The following HPSE2 variants were observed in gnomAD, a reference collection of about 807,000 sequenced individuals.
HPSE2 encodes inactive heparanase-2.
Under a neutral mutation model 60.5 loss-of-function variants are expected in HPSE2, and 38 were observed. The ratio of observed to expected loss-of-function variants is 0.63; its 90% confidence interval spans 0.48 to 0.82. The LOEUF (loss-of-function observed/expected upper bound fraction) is 0.82. HPSE2 is among the 40% of genes least tolerant of loss of function. The pLI, the probability that HPSE2 is intolerant of heterozygous loss-of-function variation, is 0.00. For missense variants in HPSE2, 713 were observed against 740.4 expected, an observed-to-expected ratio of 0.96 and a Z score of 0.43; for synonymous variants, 295 against 293.2, an observed-to-expected ratio of 1.01 and a Z score of -0.06.
the HPSE2 span, among the ~76,000 whole-genome samples, chr10:99,272,389 G>A: frequency 6.6e-6 from 1 of 151,628 alleles, no homozygotes; most frequent in Admixed American, 6.6e-5. Flanking sequence ...TCACAACCAA[G>A]AACCCAAAAG....
At chr10:99,011,400 G>GT (rs201306370) in intron 3 of HPSE2, among the ~76,000 whole-genome samples, 6 of 150,662 alleles carry the variant, frequency 4.0e-5, no homozygotes, top group Admixed American at 2.7e-4. Context: ...CTGAAATTTA[G>GT]TTTTTTTTTC....
At chr10:98,526,818 G>A (rs1225310331) in intron 9 of HPSE2, among the ~76,000 whole-genome samples, 1 of 152,158 alleles carries the variant, frequency 6.6e-6, no homozygotes, top group African/African-American at 2.4e-5. Context: ...GGGTTGAGGG[G>A]ATGAAGCTGG....
At chr10:98,971,157 C>T (rs1013612831) in intron 3 of HPSE2, among the ~76,000 whole-genome samples, 7 of 152,158 alleles carry the variant, frequency 4.6e-5, no homozygotes, top group African/African-American at 1.2e-4. Context: ...AATTAACAAA[C>T]GTTTAATACT....
chr10:99,141,111 T>C lies in HPSE2; in HGVS notation c.610+3127A>G, dbSNP rs187696514. Among the ~76,000 whole-genome samples, 24 of 152,316 alleles carry C rather than the reference T, an allele frequency of 1.6e-4. No individual in the cohort carries two copies. In the East Asian group the frequency reaches 2.7e-3, roughly 17 times the overall value. ...ACATTTTCAACAAATTTATAGAGCA[T>C]TGTTGTATTAAGAATCATGAGAGCA... is the stretch of plus-strand genomic sequence containing the variant. On this transcript the variant is annotated intron_variant, in intron 3 of 11. Transcript: ENST00000370552.
Position 98,853,858 on chromosome 10 carries a change from A to G in HPSE2, c.611-109802T>C, listed in dbSNP as rs567806639. Among the ~76,000 whole-genome samples, 3 of 152,290 alleles carry G rather than the reference A, an allele frequency of 2.0e-5. No homozygotes were observed. The South Asian group carries it at 6.2e-4, about 32-fold the overall frequency. On this transcript the variant is annotated intron_variant, in intron 3 of 11. Transcript: ENST00000370552. ...TTAAATGGAACTAAGGGTCCCAACT[A>G]TCTCACATATGAGATACGTGAAATT...
At chr10:99,063,970 G>A (rs1394409888) in intron 3 of HPSE2, among the ~76,000 whole-genome samples, 1 of 152,176 alleles carries the variant, frequency 6.6e-6, no homozygotes, top group African/African-American at 2.4e-5. Context: ...GCACGTGCCT[G>A]TAATCCCAGC....
intron 9 of HPSE2, among the ~76,000 whole-genome samples, chr10:98,595,364 G>T (rs1445737168): frequency 6.6e-6 from 1 of 151,760 alleles, no homozygotes; most frequent in Non-Finnish European, 1.5e-5. Flanking sequence ...TAGAGATGGG[G>T]TTTCACTGTG....
At chr10:98,956,511 C>T (rs1955513577) in intron 3 of HPSE2, among the ~76,000 whole-genome samples, 1 of 152,160 alleles carries the variant, frequency 6.6e-6, no homozygotes. Flanking sequence ...CTCACAAATT[C>T]ATCAGAGACT....
chr10:98,733,590 T>C (rs1949280132), intron 4 of HPSE2, among the ~76,000 whole-genome samples: 1 of 152,194 alleles, frequency 6.6e-6, no homozygotes, highest in African/African-American at 2.4e-5. Context: ...GCAAATCACG[T>C]CACCTCTTTG....
the HPSE2 span, among the ~76,000 whole-genome samples, chr10:99,252,287 T>G: frequency 6.6e-6 from 1 of 152,040 alleles, no homozygotes; most frequent in Non-Finnish European, 1.5e-5. Context: ...CAGCACTCAT[T>G]CTTCATAGTA....
chr10:98,751,971 T>C (rs1489195112), intron 3 of HPSE2, among the ~76,000 whole-genome samples: 1 of 152,210 alleles, frequency 6.6e-6, no homozygotes, highest in East Asian at 1.9e-4. Flanking sequence ...TTTAATGCTA[T>C]TGCTTAACTC....
At chr10:99,235,101 TACACACAC>T (rs10630273) in intron 1 of HPSE2, among the ~76,000 whole-genome samples, 2 of 147,594 alleles carry the variant, frequency 1.4e-5, no homozygotes, top group Admixed American at 1.4e-4. Context: ...CTGTCTCACA[TACACACAC>T]ACACACACAC....
the HPSE2 span, among the ~76,000 whole-genome samples, chr10:99,296,185 C>T: frequency 6.6e-6 from 1 of 152,146 alleles, no homozygotes; most frequent in Non-Finnish European, 1.5e-5. Flanking sequence ...TTTAGCTTTC[C>T]ATGTAGGATG....
intron 3 of HPSE2, among the ~76,000 whole-genome samples, chr10:98,822,977 A>C (rs916296526): frequency 7.9e-5 from 12 of 152,216 alleles, no homozygotes; most frequent in Non-Finnish European, 1.3e-4. Context: ...GCCTGATATA[A>C]TTACAAGTCT....
the HPSE2 span, among the ~76,000 whole-genome samples, chr10:99,242,386 C>G: frequency 6.6e-6 from 1 of 152,208 alleles, no homozygotes; most frequent in Non-Finnish European, 1.5e-5. Flanking sequence ...AAACTCTGGT[C>G]TTTGTCCTTA....
At chr10:99,218,256 AAG>A (rs1245073506) in intron 2 of HPSE2, among the ~76,000 whole-genome samples, 2 of 150,640 alleles carry the variant, frequency 1.3e-5, no homozygotes, top group Admixed American at 6.6e-5. Context: ...AGTTTCCTTG[AAG>A]CTTTCTGAAG....
chr10:98,485,512 G>A (rs993570278), intron 10 of HPSE2, among the ~76,000 whole-genome samples: 12 of 152,108 alleles, frequency 7.9e-5, no homozygotes, highest in Non-Finnish European at 1.5e-4. Flanking sequence ...AATGAGTTAG[G>A]TCAGAAGAGA....
intron 3 of HPSE2, among the ~76,000 whole-genome samples, chr10:98,952,314 TTG>T (rs59116303): frequency 0.14 from 19,670 of 137,110 alleles, 1,333 homozygotes; most frequent in Admixed American, 0.2. Flanking sequence ...AAGAATTTGT[TTG>T]TGTGTGTGTG....
At chr10:98,736,642 G>T (rs552702036) in intron 4 of HPSE2, among the ~76,000 whole-genome samples, 1 of 152,264 alleles carries the variant, frequency 6.6e-6, no homozygotes, top group African/African-American at 2.4e-5. Context: ...CAATTTTCCT[G>T]ATTCAGTTCT....
Sources: gnomAD v4.1 joint callset for allele counts (sites outside exome capture counted in the v4.1 genomes callset) on GRCh38, gnomAD v4.1.1 for gene constraint, MANE v1.5 for transcripts, NCBI Gene and HGNC (gene_info 2026-07-23, HGNC 2026-07-21) for gene names.